The following PIBF1 variants were observed in gnomAD, a reference collection of about 807,000 sequenced individuals.
PIBF1 encodes progesterone immunomodulatory binding factor 1.
PIBF1 carries 90 observed loss-of-function variants against 112.5 expected under a neutral mutation model. The ratio of observed to expected loss-of-function variants is 0.80; its 90% confidence interval spans 0.67 to 0.95. PIBF1 has a LOEUF of 0.95. Among genes scored for constraint, PIBF1 ranks in the 40% least tolerant of loss-of-function variants. PIBF1 has a pLI of 0.00. For synonymous variants in PIBF1, 301 were observed against 288.6 expected (o/e 1.04, Z -0.44); for missense variants, 915 against 852.3 (o/e 1.07, Z -0.92).
intron 17 of PIBF1, among the ~76,000 whole-genome samples, chr13:73,013,731 CA>C (rs113104076): frequency 0.23 from 26,277 of 112,522 alleles, 2,260 homozygotes; most frequent in East Asian, 0.31. Flanking sequence ...GAGCCTATCT[CA>C]AAAAAAAAAA....
At chr13:73,012,648 G>T (rs138029656) in intron 17 of PIBF1, among the ~76,000 whole-genome samples, 1 of 151,536 alleles carries the variant, frequency 6.6e-6, no homozygotes, top group African/African-American at 2.4e-5. Flanking sequence ...CCAGCAACTC[G>T]AAGAGCTGAA....
At chr13:72,828,295 A>G (rs1312859085) in intron 8 of PIBF1, among the ~76,000 whole-genome samples, 1 of 147,488 alleles carries the variant, frequency 6.8e-6, no homozygotes, top group Non-Finnish European at 1.5e-5. Flanking sequence ...TATAAATTAT[A>G]CTTTACGTTC....
chr13:72,863,824 C>T (rs1408828388), intron 10 of PIBF1, among the ~76,000 whole-genome samples: 2 of 152,146 alleles, frequency 1.3e-5, no homozygotes, highest in Non-Finnish European at 2.9e-5. Context: ...AAGATATACT[C>T]AAAAATCTTT....
At chr13:72,815,444 T>C (rs527731715) in intron 5 of PIBF1, among the ~76,000 whole-genome samples, 7 of 152,298 alleles carry the variant, frequency 4.6e-5, no homozygotes, top group African/African-American at 1.7e-4. Context: ...AGAAAAGAAA[T>C]TGATTCATTT....
chr13:72,809,122 G>A (rs1403322885), intron 5 of PIBF1, among the ~76,000 whole-genome samples: 3 of 119,362 alleles, frequency 2.5e-5, no homozygotes, highest in Non-Finnish European at 5.1e-5. Context: ...CTTGGGGGCA[G>A]TATATGTCCC....
chr13:72,928,202 A>G (rs1388964799), intron 13 of PIBF1, among the ~76,000 whole-genome samples: 3 of 151,506 alleles, frequency 2.0e-5, no homozygotes, highest in Non-Finnish European at 4.4e-5. Context: ...CAGTCATACT[A>G]ATACTCACGG....
chr13:72,929,208 T>A (rs2041628319), intron 13 of PIBF1, among the ~76,000 whole-genome samples: 1 of 152,232 alleles, frequency 6.6e-6, no homozygotes, highest in Non-Finnish European at 1.5e-5. Flanking sequence ...CAAGATTTTT[T>A]AATTAACCTA....
chr13:72,976,769 C>T (rs1048392400), intron 16 of PIBF1, among the ~76,000 whole-genome samples: 5 of 152,246 alleles, frequency 3.3e-5, no homozygotes, highest in South Asian at 4.1e-4. Flanking sequence ...TGAACATTTA[C>T]CTGATGAAAC....
At chr13:72,832,001 G>C (rs1040693217) in intron 8 of PIBF1, among the ~76,000 whole-genome samples, 1 of 146,848 alleles carries the variant, frequency 6.8e-6, no homozygotes, top group Non-Finnish European at 1.5e-5. Flanking sequence ...ATTATGTAAT[G>C]CCCTTTATTC....
intron 16 of PIBF1, among the ~76,000 whole-genome samples, chr13:72,991,982 T>A (rs2139005333): frequency 6.6e-6 from 1 of 152,296 alleles, no homozygotes; most frequent in East Asian, 1.9e-4. Context: ...CCTCCCAAAG[T>A]GCTGGGATTA....
chr13:72,855,223 C>T (rs1370785227), intron 10 of PIBF1, among the ~76,000 whole-genome samples: 1 of 152,070 alleles, frequency 6.6e-6, no homozygotes, highest in Non-Finnish European at 1.5e-5. Context: ...TGAGGCAAGT[C>T]TTCATATAAT....
intron 17 of PIBF1, among the ~76,000 whole-genome samples, chr13:73,012,342 ACT>A (rs1393121434): frequency 6.6e-6 from 1 of 152,024 alleles, no homozygotes; most frequent in African/African-American, 2.4e-5. Context: ...ACAAAGTGAG[ACT>A]CTGTCTCAGA....
At chr13:72,931,818 T>C (rs570071846) in intron 14 of PIBF1, among the ~76,000 whole-genome samples, 41 of 149,170 alleles carry the variant, frequency 2.7e-4, no homozygotes, top group South Asian at 1.3e-3. Context: ...ACTTTTGAAA[T>C]GCGAGTCATA....
chr13:72,863,416 C>G (rs1331214534), intron 10 of PIBF1, among the ~76,000 whole-genome samples: 1 of 151,996 alleles, frequency 6.6e-6, no homozygotes, highest in Non-Finnish European at 1.5e-5. Context: ...CTTTGGGAGG[C>G]CAAGGTGGGC....
intron 13 of PIBF1, among the ~76,000 whole-genome samples, chr13:72,926,023 C>T (rs1300050566): frequency 6.6e-6 from 1 of 152,026 alleles, no homozygotes; most frequent in East Asian, 1.9e-4. Context: ...AGGATTTACT[C>T]ATATGTTTTC....
intron 2 of PIBF1, among the ~76,000 whole-genome samples, chr13:72,791,469 A>T (rs2034927169): frequency 6.6e-6 from 1 of 152,190 alleles, no homozygotes. Flanking sequence ...AGCACAGCAT[A>T]CTTGGGGGAT....
chr13:72,946,063 G>T (rs2042140987), intron 14 of PIBF1, among the ~76,000 whole-genome samples: 5 of 152,080 alleles, frequency 3.3e-5, no homozygotes, highest in Admixed American at 3.3e-4. Context: ...GTTGGCAAGT[G>T]TATTAGTCCG....
At chr13:72,809,755 A>G (rs1024443787) in intron 5 of PIBF1, among the ~76,000 whole-genome samples, 1 of 151,720 alleles carries the variant, frequency 6.6e-6, no homozygotes, top group Admixed American at 6.6e-5. Flanking sequence ...ATGCCTGGCT[A>G]ATTTTTGTAT....
chr13:72,957,921 C>T (rs1222663115), intron 14 of PIBF1, among the ~76,000 whole-genome samples: 1 of 151,976 alleles, frequency 6.6e-6, no homozygotes, highest in Admixed American at 6.6e-5. Flanking sequence ...CACTGCACTC[C>T]AGCCTGAGCA....
Sources: gnomAD v4.1 joint callset for allele counts (sites outside exome capture counted in the v4.1 genomes callset) on GRCh38, gnomAD v4.1.1 for gene constraint, MANE v1.5 for transcripts, NCBI Gene and HGNC (gene_info 2026-07-23, HGNC 2026-07-21) for gene names.